Variants in KPNA5 observed in about 807,000 individuals in gnomAD.
The protein encoded by KPNA5 is importin subunit alpha-6.
Under a neutral mutation model 71.3 loss-of-function variants are expected in KPNA5, and 46 were observed. The ratio of observed to expected loss-of-function variants is 0.65; its 90% CI spans 0.51 to 0.83. The LOEUF is 0.83. Among genes scored for constraint, KPNA5 ranks in the 40% least tolerant of loss-of-function variants. The pLI, the probability that KPNA5 is intolerant of heterozygous loss-of-function variation, is 0.00. For synonymous variants in KPNA5, 207 were observed against 201.4 expected, an observed-to-expected ratio of 1.03 and a Z score of -0.24; for missense variants, 547 against 628.3, an observed-to-expected ratio of 0.87 and a Z score of 1.38.
chr6:116,695,508 C>T (rs1403191183), intron 4 of KPNA5, among the ~76,000 whole-genome samples: 1 of 152,062 alleles, frequency 6.6e-6, no homozygotes, highest in Non-Finnish European at 1.5e-5. Flanking sequence ...TTTGAAAACG[C>T]CCTTAGCTCA....
chr6:116,693,582 TG>T (rs1777897210), intron 4 of KPNA5, among the ~76,000 whole-genome samples: 1 of 152,154 alleles, frequency 6.6e-6, no homozygotes, highest in South Asian at 2.1e-4. Context: ...TTGATGGGGT[TG>T]TTTGTTTTTT....
chr6:116,716,242 T>C lies in KPNA5; in HGVS notation c.680T>C (p.Leu227Pro). The C allele has an allele frequency of 6.2e-7, 1 of 1,612,928 alleles. No individual in the cohort carries two copies. Among genetic ancestry groups the C allele is most frequent in the Non-Finnish European group, 8.5e-7 (1 of 1,179,624 alleles). ...LLELLTNSNRLTTTRNAVWAL... is the reference protein window; with the variant it reads ...LLELLTNSNRPTTTRNAVWAL... The stretch of plus-strand genomic sequence containing the variant: ...AGGTTATTAACAAATTCAAACAGAC[T>C]CACAACAACAAGAAATGCCGTGTGG... The change falls in exon 8 of 14, where the codon CTC becomes CCC. Residue 227 changes from leucine to proline, a missense_variant. By Grantham distance (98) the Leu-to-Pro change is moderately conservative. Coordinates refer to ENST00000368564, the MANE Select transcript of KPNA5 (RefSeq NM_001366306.2).
chr6:116,698,075 G>A (rs1032570180), intron 4 of KPNA5, among the ~76,000 whole-genome samples: 2 of 151,956 alleles, frequency 1.3e-5, no homozygotes, highest in East Asian at 3.9e-4. Context: ...ACCGTAGAGG[G>A]TACGTTTTGC....
rs556947498 is a variant in KPNA5, at chr6:116,730,056, A to T, written c.1432+315A>T. Among the ~76,000 whole-genome samples, 8 of 146,378 alleles carry T rather than the reference A, an allele frequency of 5.5e-5. No individual in the cohort carries two copies. In the East Asian group the frequency reaches 1.6e-3, roughly 29 times the overall value. On this transcript the variant is annotated intron_variant, in intron 13 of 13. Coordinates refer to ENST00000368564, the MANE Select transcript of KPNA5 (RefSeq NM_001366306.2). ...TTATAATGGCCACATAATGTTATGT[A>T]TATACTATATATATATAAAAATATG...
chr6:116,732,089 T>TATATATAC (rs1431355696), intron 13 of KPNA5, 47 bp from the exon 14 acceptor site: 1 of 58,016 alleles, frequency 1.7e-5, no homozygotes, highest in Non-Finnish European at 3.2e-5. Flanking sequence ...TATATATATA[T>TATATATAC]ATATATATAT....
chr6:116,710,378 G>A (rs187995707), intron 7 of KPNA5, among the ~76,000 whole-genome samples: 16 of 152,120 alleles, frequency 1.1e-4, no homozygotes, highest in Admixed American at 5.9e-4. Context: ...TGATGAGGAA[G>A]TGTTCTCTTT....
At chr6:116,723,836 T>C (rs1485995465) in intron 9 of KPNA5, among the ~76,000 whole-genome samples, 2 of 152,050 alleles carry the variant, frequency 1.3e-5, no homozygotes, top group Non-Finnish European at 2.9e-5. Context: ...ATTAATTATA[T>C]TAATTATAAA....
rs1300592470 is a variant in KPNA5 at position 116,690,877 on chromosome 6, T to C, written c.139-1178T>C. 3.3e-5 allele frequency among the ~76,000 whole-genome samples: 5 copies of C among 152,312 alleles called. No individual in the cohort carries two copies. In the East Asian group the frequency reaches 7.7e-4, roughly 24 times the overall value. ...TTTTGAGTCATCTCCAGATTACTTATAATATCTAATACAGTGTAAATGCTG... is the reference window on the plus strand; with the variant it reads ...TTTTGAGTCATCTCCAGATTACTTACAATATCTAATACAGTGTAAATGCTG... On this transcript the variant is annotated intron_variant, in intron 2 of 13. Transcript: ENST00000368564.
intron 7 of KPNA5, among the ~76,000 whole-genome samples, chr6:116,715,830 C>T (rs931721378): frequency 1.3e-5 from 2 of 151,818 alleles, no homozygotes; most frequent in South Asian, 2.1e-4. Context: ...GCAGGAGAAT[C>T]GCTTGACCCA....
chr6:116,709,388 G>A (rs1340827022), intron 7 of KPNA5, among the ~76,000 whole-genome samples: 1 of 152,062 alleles, frequency 6.6e-6, no homozygotes, highest in Non-Finnish European at 1.5e-5. Flanking sequence ...GGTAGAAATG[G>A]AGTTTCATCA....
rs148366655 is a variant in KPNA5 at position 116,741,109 on chromosome 6, A to G, written c.*8786A>G. 70 of 152,208 alleles carry G rather than the reference A, an allele frequency of 4.6e-4. No individual in the cohort carries two copies. Among genetic ancestry groups the G allele is most frequent in the African/African-American group, 1.6e-3 (68 of 41,530 alleles). 9.4% of individuals were successfully genotyped at this position (152,208 alleles called of 1,614,324 possible). A position where few individuals can be genotyped will look rare whatever the true frequency, so the allele number is the denominator to read the frequency against. On this transcript the variant is annotated 3_prime_UTR_variant, in exon 14 of 14. Transcript: ENST00000368564. Reference sequence around the variant, plus strand: ...TCGTTGATACTTGCTTTATGATCTGATATGTGTTGGTTTTAGTGAAATGGC... The same window carrying G: ...TCGTTGATACTTGCTTTATGATCTGGTATGTGTTGGTTTTAGTGAAATGGC...
At chr6:116,723,418 A>G (rs953082027) in intron 9 of KPNA5, among the ~76,000 whole-genome samples, 5 of 152,190 alleles carry the variant, frequency 3.3e-5, no homozygotes, top group Non-Finnish European at 7.3e-5. Flanking sequence ...GTTTCTAAAC[A>G]CTACTCTCCA....
chr6:116,698,937 A>G (rs1054248666), intron 5 of KPNA5, 139 bp downstream of exon 5: 12 of 470,196 alleles, frequency 2.6e-5, no homozygotes, highest in Non-Finnish European at 3.8e-5. Context: ...AGTGCTGCCT[A>G]TCTTGTCTTG....
intron 7 of KPNA5, among the ~76,000 whole-genome samples, chr6:116,707,825 A>G (rs1462844839): frequency 2.0e-5 from 3 of 152,218 alleles, no homozygotes; most frequent in Non-Finnish European, 4.4e-5. Flanking sequence ...CAGTAAGTAG[A>G]TTTACAACAT....
chr6:116,711,801 T>C (rs1362847176), intron 7 of KPNA5, among the ~76,000 whole-genome samples: 3 of 152,206 alleles, frequency 2.0e-5, no homozygotes, highest in Non-Finnish European at 4.4e-5. Context: ...TTTGTATTTT[T>C]AGTAGAAATG....
At chr6:116,714,836 A>C (rs1052964678) in intron 7 of KPNA5, among the ~76,000 whole-genome samples, 3 of 152,166 alleles carry the variant, frequency 2.0e-5, no homozygotes, top group African/African-American at 7.2e-5. Flanking sequence ...GAACCTCCAA[A>C]CAGGTCAAAA....
chr6:116,716,127 TA>T, intron 7 of KPNA5, 91 bp from the exon 8 acceptor site: 2 of 896,092 alleles, frequency 2.2e-6, no homozygotes, highest in South Asian at 1.6e-5. Context: ...GAATATCTTA[TA>T]AAATATATTG....
rs575020737 is a variant in KPNA5, at chr6:116,739,444, A to T, written c.*7121A>T. On this transcript the variant is annotated 3_prime_UTR_variant, in exon 14 of 14. Transcript: ENST00000368564. ...CTGCCCAAGGTAATTTATAGATTCA[A>T]TGCCATCCCCATCAAGCTACCAATG... 1.3e-5 allele frequency: 2 copies of T among 152,182 alleles called. No homozygotes were observed. Among genetic ancestry groups the T allele is most frequent in the African/African-American group, 4.8e-5 (2 of 41,442 alleles). The allele number at this position is 152,182 out of a possible 1,614,324, so 9.4% of individuals were successfully genotyped here. A position where few individuals can be genotyped will look rare whatever the true frequency, so the allele number is the denominator to read the frequency against.
chr6:116,707,159 G>A (rs2114431268), intron 7 of KPNA5, among the ~76,000 whole-genome samples: 1 of 150,316 alleles, frequency 6.7e-6, no homozygotes, highest in Admixed American at 6.6e-5. Context: ...GCGAGAGACT[G>A]TCTCAAAAAA....
Sources: gnomAD v4.1 joint callset for allele counts (sites outside exome capture counted in the v4.1 genomes callset) on GRCh38, gnomAD v4.1.1 for gene constraint, MANE v1.5 for transcripts, NCBI Gene and HGNC (gene_info 2026-07-23, HGNC 2026-07-21) for gene names.